ZNF804B: variants seen among roughly 807,000 people sequenced by gnomAD.
ZNF804B encodes zinc finger 804B.
ZNF804B carries 80 observed loss-of-function variants against 101.4 expected under a neutral mutation model. That is an observed-to-expected ratio of 0.79 (90% CI 0.66 to 0.95). The LOEUF (loss-of-function observed/expected upper bound fraction) is 0.95. ZNF804B is among the 40% of genes least tolerant of loss of function. The pLI is 0.00. For missense variants in ZNF804B, 1,673 were observed against 1,561.9 expected (o/e 1.07, Z -1.20); for synonymous variants, 622 against 558.8 (o/e 1.11, Z -1.59).
At chr7:89,199,442 A>T (rs987784742) in intron 1 of ZNF804B, among the ~76,000 whole-genome samples, 3 of 152,002 alleles carry the variant, frequency 2.0e-5, no homozygotes, top group Non-Finnish European at 4.4e-5. Context: ...CCAAAACAAA[A>T]CTTAGGAAAT....
intron 1 of ZNF804B, among the ~76,000 whole-genome samples, chr7:89,127,728 A>G (rs1981530): frequency 0.29 from 44,401 of 151,312 alleles, 7,050 homozygotes; most frequent in East Asian, 0.58. Context: ...TCTTAAATAT[A>G]ATTAATATAT....
At chr7:89,219,997 G>GCACACA (rs1788966012) in intron 2 of ZNF804B, among the ~76,000 whole-genome samples, 2 of 55,814 alleles carry the variant, frequency 3.6e-5, no homozygotes, top group African/African-American at 8.9e-5. Context: ...GTGCATATAT[G>GCACACA]TATATGCACA....
At chr7:89,289,149 AATG>A in intron 2 of ZNF804B, among the ~76,000 whole-genome samples, 1 of 139,714 alleles carries the variant, frequency 7.2e-6, no homozygotes, top group African/African-American at 2.6e-5. Context: ...AATCTATTAC[AATG>A]GTAAGAAATG....
rs549301482 is a variant in ZNF804B, at chr7:88,872,575, C to G, written c.108+112491C>G. 2.6e-5 allele frequency among the ~76,000 whole-genome samples: 4 copies of G among 151,894 alleles called. No individual in the cohort carries two copies. In the South Asian group the frequency reaches 8.3e-4, roughly 32 times the overall value. On this transcript the variant is annotated intron_variant, in intron 1 of 3. Transcript: ENST00000333190. ...TGCTGGTGCACTGCACCCATTAACT[C>G]GTCATCTAGCATTAGGTATATCTCC...
intron 1 of ZNF804B, among the ~76,000 whole-genome samples, chr7:88,855,879 T>G (rs1268573641): frequency 6.6e-6 from 1 of 152,188 alleles, no homozygotes; most frequent in African/African-American, 2.4e-5. Context: ...CCCCATTGCT[T>G]GTTTTTGTCA....
At chr7:88,940,178 G>A (rs1255489219) in intron 1 of ZNF804B, among the ~76,000 whole-genome samples, 2 of 151,784 alleles carry the variant, frequency 1.3e-5, no homozygotes, top group African/African-American at 4.8e-5. Context: ...AAAATTATGA[G>A]GAGAGCAATC....
rs545898216 is a variant in ZNF804B at position 88,882,670 on chromosome 7, C to A, written c.108+122586C>A. ...GGATAAAGAAAATGTGGCAAATATG[C>A]GCCATGGAAAAGAATGAGATCATGT... On this transcript the variant is annotated intron_variant, in intron 1 of 3. Coordinates refer to ENST00000333190, the MANE Select transcript of ZNF804B (RefSeq NM_181646.5). Among the ~76,000 whole-genome samples the A allele has an allele frequency of 2.6e-5, 4 of 152,074 alleles. No homozygotes were observed. The South Asian group carries it at 6.2e-4, about 24-fold the overall frequency.
At chr7:88,920,264 A>G (rs563261665) in intron 1 of ZNF804B, among the ~76,000 whole-genome samples, 1 of 152,246 alleles carries the variant, frequency 6.6e-6, no homozygotes, top group African/African-American at 2.4e-5. Flanking sequence ...CTCCTGGCTT[A>G]TAGTACAGTA....
At chr7:89,324,118 T>C (rs1172933935) in intron 2 of ZNF804B, among the ~76,000 whole-genome samples, 2 of 151,046 alleles carry the variant, frequency 1.3e-5, no homozygotes, top group Non-Finnish European at 2.9e-5. Flanking sequence ...ACAATCACTT[T>C]GGTGTAACGT....
chr7:88,992,801 A>G (rs1793864892), intron 1 of ZNF804B, among the ~76,000 whole-genome samples: 1 of 152,066 alleles, frequency 6.6e-6, no homozygotes, highest in East Asian at 1.9e-4. Context: ...AATTCTGCCT[A>G]AAATAATTTC....
Position 89,334,726 on chromosome 7 carries a change from C to T in ZNF804B, c.1744C>T (p.Leu582Phe). The change falls in exon 4 of 4, where the codon CTT becomes TTT. Residue 582 changes from leucine to phenylalanine, a missense_variant. Leu to Phe is a conservative substitution (Grantham distance 22, BLOSUM62 0). Transcript: ENST00000333190. ...GGAAATGAAAAATCCTAAAGTGCCT[C>T]TTTACCTCAACACATCTCTAAAGGA... ...DLEMKNPKVP[L>F]YLNTSLKDCA... The T allele has an allele frequency of 5.0e-6, 8 of 1,613,756 alleles. No homozygotes were observed. The highest frequency in any genetic ancestry group is 6.8e-6 in the Non-Finnish European group (8 of 1,179,854).
chr7:88,827,951 T>C (rs576762359), intron 1 of ZNF804B, among the ~76,000 whole-genome samples: 1 of 152,292 alleles, frequency 6.6e-6, no homozygotes, highest in Non-Finnish European at 1.5e-5. Flanking sequence ...TGCTGCATGA[T>C]TGTAATTGCC....
At chr7:89,304,976 A>G (rs1790537832) in intron 2 of ZNF804B, among the ~76,000 whole-genome samples, 1 of 152,032 alleles carries the variant, frequency 6.6e-6, no homozygotes, top group South Asian at 2.1e-4. Flanking sequence ...GGTATGCAAG[A>G]CGGACTTGCA....
intron 1 of ZNF804B, among the ~76,000 whole-genome samples, chr7:88,973,623 G>A (rs915498938): frequency 6.6e-6 from 1 of 151,108 alleles, no homozygotes; most frequent in Non-Finnish European, 1.5e-5. Flanking sequence ...GCAAGAGATT[G>A]AAAAGTGAAT....
chr7:89,219,347 C>A (rs1159610216), intron 2 of ZNF804B, among the ~76,000 whole-genome samples: 1 of 149,684 alleles, frequency 6.7e-6, no homozygotes. Flanking sequence ...TAAGCATACT[C>A]TCTTAAGAAA....
At chr7:88,906,489 G>C (rs963557628) in intron 1 of ZNF804B, among the ~76,000 whole-genome samples, 1 of 152,034 alleles carries the variant, frequency 6.6e-6, no homozygotes, top group Non-Finnish European at 1.5e-5. Flanking sequence ...TAATTGTAAT[G>C]TTCACCCAGG....
chr7:88,989,982 A>T (rs1793821149), intron 1 of ZNF804B, among the ~76,000 whole-genome samples: 1 of 152,084 alleles, frequency 6.6e-6, no homozygotes, highest in Non-Finnish European at 1.5e-5. Flanking sequence ...TGAAGACAAC[A>T]AAGTTCATAA....
At chr7:89,019,654 C>T (rs775162613) in intron 1 of ZNF804B, among the ~76,000 whole-genome samples, 1 of 151,936 alleles carries the variant, frequency 6.6e-6, no homozygotes, top group Non-Finnish European at 1.5e-5. Flanking sequence ...TAAATCTGGA[C>T]CCTCCAATGT....
chr7:88,854,414 C>CCTTTCTTTCTTTTT (rs1791502962), intron 1 of ZNF804B, among the ~76,000 whole-genome samples: 1 of 57,076 alleles, frequency 1.8e-5, no homozygotes, highest in African/African-American at 6.3e-5. Context: ...TTTCTTTCTT[C>CCTTTCTTTCTTTTT]CTTTCTTTCT....
Sources: gnomAD v4.1 joint callset for allele counts (sites outside exome capture counted in the v4.1 genomes callset) on GRCh38, gnomAD v4.1.1 for gene constraint, MANE v1.5 for transcripts, NCBI Gene and HGNC (gene_info 2026-07-23, HGNC 2026-07-21) for gene names.